The following OPRM1 variants were observed in gnomAD, a reference collection of about 807,000 sequenced individuals.
OPRM1 encodes opioid receptor mu 1.
In OPRM1, 27 loss-of-function variants were observed where a neutral mutation model predicts 31.8. That is an observed-to-expected ratio of 0.85 (90% CI 0.63 to 1.17). The LOEUF (loss-of-function observed/expected upper bound fraction) is 1.17. Ranked by LOEUF, OPRM1 falls within the 50% of genes most tolerant of loss-of-function variation. The pLI, the probability that OPRM1 is intolerant of heterozygous loss-of-function variation, is 0.00. For synonymous variants in OPRM1, 196 were observed against 189.9 expected (o/e 1.03, Z -0.26); for missense variants, 536 against 511.1 (o/e 1.05, Z -0.47).
At chr6:154,152,360 G>GAAAGAAAGAAAGAAAGAAAGA (rs1798552035) in intron 3 of OPRM1, among the ~76,000 whole-genome samples, 1 of 145,632 alleles carries the variant, frequency 6.9e-6, no homozygotes, top group South Asian at 2.2e-4. Flanking sequence ...AAGAAAGAAA[G>GAAAGAAAGAAAGAAAGAAAGA]AAAGAAAGAA....
Position 154,240,512 on chromosome 6 carries a change from T to C in OPRM1, c.1165-6181T>C, listed in dbSNP as rs530951795. Among the ~76,000 whole-genome samples, 255 of 140,024 alleles carry C rather than the reference T, an allele frequency of 1.8e-3. 1 individual carries two copies. The highest frequency in any genetic ancestry group is 6.4e-3 in the African/African-American group (245 of 38,362). The allele number at this position is 140,024 out of a possible 152,430, so 91.9% of individuals were successfully genotyped here. ...GGGAAAATTAATCTGTTCTTTATTT[T>C]TCTTGAGCTGAAAAAAAAAAAGGTA... On this transcript the variant is annotated intron_variant, in intron 3 of 3. Coordinates refer to the OPRM1 transcript ENST00000337049.
intron 3 of OPRM1, among the ~76,000 whole-genome samples, chr6:154,193,822 T>C (rs891991381): frequency 6.6e-6 from 1 of 152,218 alleles, no homozygotes; most frequent in African/African-American, 2.4e-5. Flanking sequence ...GCATCAAACA[T>C]GACAATACTC....
At chr6:154,182,172 A>C (rs1800942890) in intron 3 of OPRM1, among the ~76,000 whole-genome samples, 1 of 152,250 alleles carries the variant, frequency 6.6e-6, no homozygotes. Flanking sequence ...TTGTGCTCTC[A>C]TGAATCTAAG....
intron 3 of OPRM1, among the ~76,000 whole-genome samples, chr6:154,178,488 G>A (rs1406004154): frequency 1.3e-5 from 2 of 151,742 alleles, no homozygotes; most frequent in Admixed American, 6.6e-5. Flanking sequence ...TAAAAATATC[G>A]AAGGGTATCT....
Position 154,091,027 on chromosome 6 carries a change from T to C in OPRM1, c.719T>C (p.Ile240Thr), listed in dbSNP as rs1052552262. The C allele has an allele frequency of 6.8e-6, 11 of 1,614,126 alleles. No homozygotes were observed. The highest frequency in any genetic ancestry group is 8.5e-6 in the Non-Finnish European group (10 of 1,180,048). The change falls in exon 3 of 4, where the codon ATC (isoleucine) becomes ACC (threonine). Residue 240 changes from isoleucine (I) to threonine (T), a missense_variant. Ile to Thr is a moderately conservative substitution (Grantham distance 89). Coordinates refer to ENST00000330432, the MANE Select transcript of OPRM1 (RefSeq NM_000914.5). Reference sequence around the variant, plus strand: ...AACCTGCTGAAGATCTGTGTTTTCATCTTCGCCTTCATTATGCCAGTGCTC... The same window carrying C: ...AACCTGCTGAAGATCTGTGTTTTCACCTTCGCCTTCATTATGCCAGTGCTC... ...WENLLKICVF[I>T]FAFIMPVLII...
intron 3 of OPRM1, among the ~76,000 whole-genome samples, chr6:154,245,675 G>C (rs1224593903): frequency 1.3e-5 from 2 of 152,142 alleles, no homozygotes; most frequent in African/African-American, 4.8e-5. Flanking sequence ...CAACTCCTAA[G>C]TACTTTTCCC....
At chr6:154,229,484 G>A (rs1450720922) in intron 3 of OPRM1, among the ~76,000 whole-genome samples, 1 of 151,324 alleles carries the variant, frequency 6.6e-6, no homozygotes, top group South Asian at 2.1e-4. Context: ...CGAGTAGCTG[G>A]GACTACAGGC....
intron 3 of OPRM1, among the ~76,000 whole-genome samples, chr6:154,151,862 C>T (rs1465132672): frequency 1.3e-5 from 2 of 151,980 alleles, no homozygotes; most frequent in Admixed American, 6.6e-5. Context: ...CAGGTTCGTT[C>T]GTTTGTTTGA....
chr6:154,137,707 T>C (rs1417802422), intron 3 of OPRM1, among the ~76,000 whole-genome samples: 1 of 152,104 alleles, frequency 6.6e-6, no homozygotes, highest in East Asian at 1.9e-4. Flanking sequence ...AAATAACACA[T>C]GTTTTATATA....
chr6:154,126,265 T>G lies in OPRM1; in HGVS notation c.*7544T>G, dbSNP rs1201335035. The stretch of plus-strand genomic sequence containing the variant: ...CTGGGTAAAATTGAACATAGCCATA[T>G]TCACTGAACAACATGAGTGAGCTTC... On this transcript the variant is annotated 3_prime_UTR_variant, in exon 4 of 4. Coordinates refer to ENST00000330432, the MANE Select transcript of OPRM1 (RefSeq NM_000914.5). Among the ~76,000 whole-genome samples the G allele has an allele frequency of 6.6e-5, 10 of 152,216 alleles. No individual in the cohort carries two copies. The highest frequency in any genetic ancestry group is 6.5e-4 in the Admixed American group (10 of 15,284).
chr6:154,158,271 G>A (rs1160788891), intron 3 of OPRM1: 1 of 152,160 alleles, frequency 6.6e-6, no homozygotes, highest in East Asian at 1.9e-4. Flanking sequence ...CGGGTAGGCA[G>A]GGCCAACATG....
chr6:154,169,524 A>C (rs6938037), intron 3 of OPRM1, among the ~76,000 whole-genome samples: 106,023 of 152,164 alleles, frequency 0.7, 38,048 homozygotes, highest in East Asian at 0.89. Flanking sequence ...CAAATTATAC[A>C]CATGCTAAAG....
intron 3 of OPRM1, among the ~76,000 whole-genome samples, chr6:154,225,582 G>T (rs1335156327): frequency 6.6e-6 from 1 of 152,144 alleles, no homozygotes; most frequent in African/African-American, 2.4e-5. Context: ...AGCTACCAGG[G>T]TCCCAGGCAG....
At chr6:154,109,129 G>A in intron 3 of OPRM1, 1 of 697,120 alleles carries the variant, frequency 1.4e-6, no homozygotes. Flanking sequence ...AAATTAGATT[G>A]TGTTCAGAGA....
At chr6:154,214,073 T>G in intron 3 of OPRM1, 1 of 652,430 alleles carries the variant, frequency 1.5e-6, no homozygotes, top group Middle Eastern at 4.2e-4. Flanking sequence ...TATGTCTGTC[T>G]CCACATATTT....
At chr6:154,236,769 G>A (rs1337927304) in intron 3 of OPRM1, among the ~76,000 whole-genome samples, 2 of 152,078 alleles carry the variant, frequency 1.3e-5, no homozygotes, top group African/African-American at 4.8e-5. Flanking sequence ...GATGGTGGGT[G>A]GTTTGCCTAG....
In OPRM1 at chr6:154,119,870, T is replaced by C. The variant is rs1274764096; in HGVS notation, c.*1149T>C. Among the ~76,000 whole-genome samples the C allele has an allele frequency of 1.3e-5, 2 of 152,240 alleles. No individual in the cohort carries two copies. The highest frequency in any genetic ancestry group is 4.8e-5 in the African/African-American group (2 of 41,470). The stretch of plus-strand genomic sequence containing the variant: ...TCCTGAAGATTGTGTTTATATAATG[T>C]CATCACCAATATTTTGGTCTTTTTG... On this transcript the variant is annotated 3_prime_UTR_variant, in exon 4 of 4. Transcript: ENST00000330432.
intron 3 of OPRM1, chr6:154,155,429 C>G (rs1333443781): frequency 6.6e-6 from 1 of 152,168 alleles, no homozygotes; most frequent in Non-Finnish European, 1.5e-5. Flanking sequence ...GAAATGCCCC[C>G]TAAAACTATG....
chr6:154,073,617 C>G (rs1470034663), intron 1 of OPRM1: 1 of 152,246 alleles, frequency 6.6e-6, no homozygotes, highest in Non-Finnish European at 1.5e-5. Context: ...AGTGACTGCA[C>G]CAGGAAAGAG....
Sources: gnomAD v4.1 joint callset for allele counts (sites outside exome capture counted in the v4.1 genomes callset) on GRCh38, gnomAD v4.1.1 for gene constraint, MANE v1.5 for transcripts, NCBI Gene and HGNC (gene_info 2026-07-23, HGNC 2026-07-21) for gene names.